GTF2F2: variants seen among roughly 807,000 people sequenced by gnomAD.
The protein encoded by GTF2F2 is ATP-dependent helicase GTF2F2.
GTF2F2 carries 23 observed loss-of-function variants against 42.2 expected under a neutral mutation model. That is an observed-to-expected ratio of 0.55 (90% CI 0.39 to 0.77). GTF2F2 has a LOEUF of 0.77. Ranked by LOEUF, GTF2F2 falls within the 30% of genes least tolerant of loss-of-function variation. The pLI, the probability that GTF2F2 is intolerant of heterozygous loss-of-function variation, is 0.00. For missense variants in GTF2F2, 261 were observed against 287.2 expected (o/e 0.91, Z 0.66); for synonymous variants, 105 against 100.8 (o/e 1.04, Z -0.25).
chr13:45,270,873 T>G (rs1203843720), intron 7 of GTF2F2, among the ~76,000 whole-genome samples: 2 of 152,226 alleles, frequency 1.3e-5, no homozygotes, highest in African/African-American at 4.8e-5. Flanking sequence ...TTTATCTAAT[T>G]GCTCCCTTTG....
At chr13:45,227,396 A>G (rs1333452638) in intron 5 of GTF2F2, among the ~76,000 whole-genome samples, 2 of 152,212 alleles carry the variant, frequency 1.3e-5, no homozygotes, top group Non-Finnish European at 2.9e-5. Context: ...GGAGAGCAAA[A>G]TTCAGCATTG....
chr13:45,246,820 G>A (rs368233499), intron 5 of GTF2F2, among the ~76,000 whole-genome samples: 6 of 141,452 alleles, frequency 4.2e-5, no homozygotes, highest in African/African-American at 7.9e-5. Flanking sequence ...GGCGGATCAC[G>A]AGGTCAGGAG....
Position 45,138,834 on chromosome 13 carries a change from C to T in GTF2F2, c.140+2028C>T, listed in dbSNP as rs547804919. On this transcript the variant is annotated intron_variant, in intron 2 of 7. Transcript: ENST00000340473. ...CTAATTTTTGTATTTTTAGTAGAGA[C>T]GGGGTTTCGCCATGTTGGCCAAGCT... Among the ~76,000 whole-genome samples the T allele has an allele frequency of 3.3e-5, 5 of 152,206 alleles. No homozygotes were observed. The East Asian group carries it at 7.7e-4, about 23-fold the overall frequency.
intron 6 of GTF2F2, among the ~76,000 whole-genome samples, chr13:45,254,141 G>C (rs1292497803): frequency 6.6e-6 from 1 of 151,542 alleles, no homozygotes; most frequent in Non-Finnish European, 1.5e-5. Context: ...GTGAGAGAGA[G>C]AGAGACCACA....
At chr13:45,191,230 T>A (rs375995626) in intron 4 of GTF2F2, among the ~76,000 whole-genome samples, 1,200 of 93,724 alleles carry the variant, frequency 0.013, 71 homozygotes, top group African/African-American at 0.038. Context: ...AAAAAATATA[T>A]ATATATATAT....
intron 6 of GTF2F2, among the ~76,000 whole-genome samples, chr13:45,257,885 G>A (rs1223343597): frequency 1.3e-5 from 2 of 152,070 alleles, no homozygotes; most frequent in East Asian, 3.9e-4. Context: ...TTTGCTTTCA[G>A]CTTTTTAGCA....
At chr13:45,200,351 C>T (rs574467128) in intron 4 of GTF2F2, among the ~76,000 whole-genome samples, 2 of 152,208 alleles carry the variant, frequency 1.3e-5, no homozygotes, top group Non-Finnish European at 2.9e-5. Context: ...GATACAGGGT[C>T]TTGCTCTGTC....
chr13:45,251,389 A>G (rs1593518937), intron 5 of GTF2F2, among the ~76,000 whole-genome samples: 1 of 152,170 alleles, frequency 6.6e-6, no homozygotes, highest in East Asian at 1.9e-4. Flanking sequence ...TTAAACTTGT[A>G]TTATTTTTTA....
chr13:45,161,514 AT>A (rs1291331497), intron 4 of GTF2F2, among the ~76,000 whole-genome samples: 2 of 152,082 alleles, frequency 1.3e-5, no homozygotes, highest in Non-Finnish European at 2.9e-5. Flanking sequence ...GTAACACTGA[AT>A]TGCATGCCTG....
At chr13:45,135,460 A>G (rs1566110331) in intron 1 of GTF2F2, among the ~76,000 whole-genome samples, 1 of 150,702 alleles carries the variant, frequency 6.6e-6, no homozygotes, top group Non-Finnish European at 1.5e-5. Context: ...GGGTTTCACC[A>G]TGTTGGTCAG....
chr13:45,121,870 C>T (rs1257872127), intron 1 of GTF2F2, among the ~76,000 whole-genome samples: 1 of 152,146 alleles, frequency 6.6e-6, no homozygotes, highest in Non-Finnish European at 1.5e-5. Context: ...AGGCATTTCT[C>T]TCTCCAGCAG....
chr13:45,189,048 C>A (rs1421301974), intron 4 of GTF2F2, among the ~76,000 whole-genome samples: 1 of 152,082 alleles, frequency 6.6e-6, no homozygotes, highest in South Asian at 2.1e-4. Flanking sequence ...CGCTATCCCT[C>A]CCCGGCTCCC....
intron 4 of GTF2F2, among the ~76,000 whole-genome samples, chr13:45,190,925 A>G (rs1282195147): frequency 6.8e-6 from 1 of 146,372 alleles, no homozygotes; most frequent in African/African-American, 2.7e-5. Context: ...AAATTGAAAT[A>G]CAAGTAATTT....
intron 2 of GTF2F2, among the ~76,000 whole-genome samples, chr13:45,147,361 T>A (rs1870245814): frequency 6.6e-6 from 1 of 152,186 alleles, no homozygotes; most frequent in South Asian, 2.1e-4. Flanking sequence ...TCTGCATCTT[T>A]TCGTTTGTTT....
chr13:45,235,155 T>G (rs984123661), intron 5 of GTF2F2, among the ~76,000 whole-genome samples: 1 of 151,888 alleles, frequency 6.6e-6, no homozygotes, highest in African/African-American at 2.4e-5. Flanking sequence ...GTAGTAATTA[T>G]TGTCAACACT....
intron 1 of GTF2F2, among the ~76,000 whole-genome samples, chr13:45,125,620 C>T (rs1205183387): frequency 6.6e-6 from 1 of 152,136 alleles, no homozygotes; most frequent in Non-Finnish European, 1.5e-5. Context: ...CTGTGCCCAG[C>T]CCCCTTTGTG....
intron 2 of GTF2F2, among the ~76,000 whole-genome samples, chr13:45,143,651 T>G (rs868063557): frequency 1.3e-5 from 2 of 152,108 alleles, no homozygotes; most frequent in African/African-American, 2.4e-5. Context: ...GGCCAGAAAC[T>G]AGGAGATCTG....
intron 4 of GTF2F2, among the ~76,000 whole-genome samples, chr13:45,156,660 A>G (rs949454819): frequency 1.3e-5 from 2 of 152,126 alleles, no homozygotes; most frequent in African/African-American, 4.8e-5. Context: ...GCTTTTGGTG[A>G]TGAATCGGCT....
chr13:45,136,397 A>G (rs1593448142), intron 1 of GTF2F2, among the ~76,000 whole-genome samples: 1 of 152,234 alleles, frequency 6.6e-6, no homozygotes. Flanking sequence ...TGCTGTTACT[A>G]TAGTGAGTGC....
Sources: gnomAD v4.1 joint callset for allele counts (sites outside exome capture counted in the v4.1 genomes callset) on GRCh38, gnomAD v4.1.1 for gene constraint, MANE v1.5 for transcripts, NCBI Gene and HGNC (gene_info 2026-07-23, HGNC 2026-07-21) for gene names.